RBM19: variants seen among roughly 807,000 people sequenced by gnomAD.
RBM19 encodes the protein probable RNA-binding protein 19.
Under a neutral mutation model 116.8 loss-of-function variants are expected in RBM19, and 94 were observed. That is an observed-to-expected ratio of 0.80 (90% CI 0.68 to 0.95). RBM19 has a LOEUF of 0.95. RBM19 is among the 40% of genes least tolerant of loss of function. The probability of loss-of-function intolerance (pLI) is 0.00; values close to 1 mark genes in which losing one functional copy is unlikely to be tolerated. For synonymous variants in RBM19, 475 were observed against 494.1 expected (o/e 0.96, Z 0.51); for missense variants, 1,161 against 1,220.7 (o/e 0.95, Z 0.73).
chr12:113,890,712 A>G (rs1296072354), intron 21 of RBM19, among the ~76,000 whole-genome samples: 1 of 152,314 alleles, frequency 6.6e-6, no homozygotes, highest in Non-Finnish European at 1.5e-5. Flanking sequence ...GGGGTGTCCC[A>G]CAGAACTTCA....
chr12:113,955,779 T>A (rs982629539), intron 6 of RBM19, among the ~76,000 whole-genome samples: 1 of 152,198 alleles, frequency 6.6e-6, no homozygotes, highest in Non-Finnish European at 1.5e-5. Flanking sequence ...CATATATAGC[T>A]TATGCTGATT....
At position 113,830,570 on chromosome 12, in the gene RBM19, CGGGGCGGGGG is replaced by C. The variant is rs1875299866; in HGVS notation, c.2786-7259_2786-7250del. On this transcript the variant is annotated intron_variant, in intron 23 of 23. Transcript: ENST00000261741. ...ATGGAGTTACCCTGAGCTAGGGCTG[CGGGGCGGGGG>C]GGGGGGGGGTGGGCTATGCCTGGGG... Among the ~76,000 whole-genome samples, 2 of 7,856 alleles carry C rather than the reference CGGGGCGGGGG, an allele frequency of 2.5e-4. 1 individual carries two copies. The highest frequency in any genetic ancestry group is 2.2e-3 in the African/African-American group (2 of 904). 5.2% of individuals were successfully genotyped at this position (7,856 alleles called of 152,430 possible). A position where few individuals can be genotyped will look rare whatever the true frequency, so the allele number is the denominator to read the frequency against.
intron 21 of RBM19, among the ~76,000 whole-genome samples, chr12:113,872,741 G>A (rs1293234708): frequency 6.4e-4 from 18 of 28,190 alleles, no homozygotes; most frequent in Admixed American, 3.1e-3. Context: ...CCGTCCGGGA[G>A]GGAGGTGGGG....
At chr12:113,959,977 G>C (rs1872347559) in intron 3 of RBM19, 74 bp from the exon 4 acceptor site, 1 of 1,613,396 alleles carries the variant, frequency 6.2e-7, no homozygotes, top group Non-Finnish European at 8.5e-7. Flanking sequence ...CACTGACCTG[G>C]GAGGGCCCAT....
At chr12:113,929,467 A>T (rs1869409058) in intron 16 of RBM19, among the ~76,000 whole-genome samples, 1 of 152,168 alleles carries the variant, frequency 6.6e-6, no homozygotes, top group Non-Finnish European at 1.5e-5. Flanking sequence ...AAACTAACAC[A>T]ATTTACCCAA....
In RBM19 at chr12:113,945,785, G is replaced by T. The variant is rs1389142965; in HGVS notation, c.1626+43C>A. On this transcript the variant is annotated intron_variant, in intron 13 of 23. Transcript: ENST00000261741. ...AGCCTCCTGCTCTTTCTCCCCTTCA[G>T]TTTGGCCCAGATCCCAGAGAGGACT... is the stretch of plus-strand genomic sequence containing the variant. 5.4e-6 allele frequency: 8 copies of T among 1,475,692 alleles called. No homozygotes were observed. The African/African-American group carries it at 8.4e-5, about 15-fold the overall frequency. The allele number at this position is 1,475,692 out of a possible 1,614,324, so 91.4% of individuals were successfully genotyped here. A position where few individuals can be genotyped will look rare whatever the true frequency, so the allele number is the denominator to read the frequency against.
intron 23 of RBM19, among the ~76,000 whole-genome samples, chr12:113,837,653 C>T (rs1345314017): frequency 6.6e-6 from 1 of 152,212 alleles, no homozygotes; most frequent in Non-Finnish European, 1.5e-5. Flanking sequence ...ATGCAAGGGG[C>T]AGCCGCTCAG....
At chr12:113,820,750 T>G (rs1189896423), downstream of RBM19, among the ~76,000 whole-genome samples, 2 of 152,122 alleles carry the variant, frequency 1.3e-5, no homozygotes, top group African/African-American at 4.8e-5. Context: ...AAACAGTGCG[T>G]GCCTGGGGCA....
intron 23 of RBM19, among the ~76,000 whole-genome samples, chr12:113,830,570 C>CGGGGG (rs869235673): frequency 1.3e-3 from 10 of 7,826 alleles, no homozygotes; most frequent in Admixed American, 3.0e-3. Context: ...GCTAGGGCTG[C>CGGGGG]GGGGCGGGGG....
intron 23 of RBM19, among the ~76,000 whole-genome samples, chr12:113,829,662 C>T (rs1197049247): frequency 2.6e-5 from 4 of 152,224 alleles, no homozygotes; most frequent in African/African-American, 9.7e-5. Flanking sequence ...CTGAGTGCTG[C>T]CACTTGGTGG....
At chr12:113,927,385 A>G (rs1869185388) in intron 16 of RBM19, 156 bp from the exon 17 acceptor site, 5 of 810,918 alleles carry the variant, frequency 6.2e-6, no homozygotes, top group Non-Finnish European at 9.4e-6. Flanking sequence ...GTGATCCCCA[A>G]CTTGTGCTGA....
intron 8 of RBM19, 71 bp from the exon 9 acceptor site, chr12:113,950,225 AC>A: frequency 7.9e-7 from 1 of 1,270,008 alleles, no homozygotes. Flanking sequence ...CCAGAGGAAC[AC>A]CCATACTGTG....
intron 13 of RBM19, 63 bp downstream of exon 13, chr12:113,945,765 C>T (rs759459939): frequency 1.5e-6 from 2 of 1,378,732 alleles, no homozygotes; most frequent in Non-Finnish European, 2.0e-6. Flanking sequence ...CAACGAGCCT[C>T]CTGCTCTTTC....
chr12:113,962,523 T>A, intron 1 of RBM19, 109 bp from the exon 2 acceptor site: 1 of 1,061,788 alleles, frequency 9.4e-7, no homozygotes, highest in Non-Finnish European at 1.4e-6. Context: ...TGGCCTTAGA[T>A]GAAGAGGGGC....
intron 21 of RBM19, among the ~76,000 whole-genome samples, chr12:113,889,015 G>A (rs1880746398): frequency 6.6e-6 from 1 of 152,206 alleles, no homozygotes; most frequent in South Asian, 2.1e-4. Context: ...CCATGCATGT[G>A]AAATGCCCAC....
intron 21 of RBM19, among the ~76,000 whole-genome samples, chr12:113,871,820 C>T (rs1310040549): frequency 1.3e-5 from 2 of 151,462 alleles, no homozygotes; most frequent in Admixed American, 6.6e-5. Flanking sequence ...GCCGCCGCGC[C>T]GGCGAGCGCC....
chr12:113,911,844 T>C (rs576596809), intron 21 of RBM19, among the ~76,000 whole-genome samples: 1 of 152,300 alleles, frequency 6.6e-6, no homozygotes, highest in South Asian at 2.1e-4. Flanking sequence ...TACCACAGCA[T>C]CATCACAAAT....
rs1869176359 is a variant in RBM19 at position 113,927,316 on chromosome 12, C to G, written c.2069-87G>C. On this transcript the variant is annotated intron_variant, in intron 16 of 23. Coordinates refer to ENST00000261741, the MANE Select transcript of RBM19 (RefSeq NM_016196.4). ...CCCACCAGAGCCCTGGGGCCAACTGCAAAAAGCCCACTAGGTAAAGGGGTT... is the reference window on the plus strand; with the variant it reads ...CCCACCAGAGCCCTGGGGCCAACTGGAAAAAGCCCACTAGGTAAAGGGGTT... The G allele has an allele frequency of 4.8e-6, 7 of 1,455,920 alleles. No individual in the cohort carries two copies. The East Asian group carries it at 1.7e-4, about 36-fold the overall frequency. 90.2% of individuals were successfully genotyped at this position (1,455,920 alleles called of 1,614,324 possible). A position where few individuals can be genotyped will look rare whatever the true frequency, so the allele number is the denominator to read the frequency against.
chr12:113,920,781 G>GT lies in RBM19; in HGVS notation c.2306-92dup, dbSNP rs1868475373. ...TGTGACGGGCCCCCAGACCTGCGCT[G>GT]TATTTCCTCTTCTTTTCATACCCCC... On this transcript the variant is annotated intron_variant, in intron 18 of 23. Transcript: ENST00000261741. 10 of 1,117,136 alleles carry GT rather than the reference G, an allele frequency of 9.0e-6. No homozygotes were observed. The South Asian group carries it at 1.3e-4, about 14-fold the overall frequency. The allele number at this position is 1,117,136 out of a possible 1,614,324, so 69.2% of individuals were successfully genotyped here.
Sources: gnomAD v4.1 joint callset for allele counts (sites outside exome capture counted in the v4.1 genomes callset) on GRCh38, gnomAD v4.1.1 for gene constraint, MANE v1.5 for transcripts, NCBI Gene and HGNC (gene_info 2026-07-23, HGNC 2026-07-21) for gene names.